Variants in GNAQ observed in about 807,000 individuals in gnomAD.
The protein encoded by GNAQ is guanine nucleotide-binding protein G(q) subunit alpha.
A neutral mutation model predicts 43.9 loss-of-function variants in GNAQ; 8 were observed. The ratio of observed to expected loss-of-function variants is 0.18; its 90% CI spans 0.11 to 0.33. GNAQ has a LOEUF of 0.33. GNAQ is among the 10% of genes least tolerant of loss of function. The probability of loss-of-function intolerance (pLI) is 1.00; values close to 1 mark genes in which losing one functional copy is unlikely to be tolerated. For missense variants in GNAQ, 158 were observed against 450.8 expected (o/e 0.35, Z 5.88); for synonymous variants, 155 against 170.7 (o/e 0.91, Z 0.71).
intron 1 of GNAQ, among the ~76,000 whole-genome samples, chr9:77,999,331 G>T (rs1359305507): frequency 6.6e-6 from 1 of 152,138 alleles, no homozygotes; most frequent in Non-Finnish European, 1.5e-5. Context: ...AGAAGAATCT[G>T]AAATAGAAAG....
chr9:78,025,091 C>A (rs1017956067), intron 1 of GNAQ, among the ~76,000 whole-genome samples: 8 of 152,066 alleles, frequency 5.3e-5, no homozygotes, highest in Non-Finnish European at 1.5e-5. Flanking sequence ...GTTTTTAAAG[C>A]CCAAATTCAT....
intron 2 of GNAQ, among the ~76,000 whole-genome samples, chr9:77,831,423 C>T (rs537659587): frequency 6.6e-6 from 1 of 152,292 alleles, no homozygotes; most frequent in East Asian, 1.9e-4. Context: ...TCCACCCATG[C>T]AATTTAAAAC....
At chr9:77,902,332 T>C (rs780104603) in intron 2 of GNAQ, among the ~76,000 whole-genome samples, 11 of 152,238 alleles carry the variant, frequency 7.2e-5, no homozygotes, top group Non-Finnish European at 1.2e-4. Context: ...CTCTTACTTG[T>C]GGTATATGTC....
At chr9:77,765,518 C>T (rs945468698) in intron 5 of GNAQ, among the ~76,000 whole-genome samples, 7 of 152,142 alleles carry the variant, frequency 4.6e-5, no homozygotes, top group Admixed American at 6.6e-5. Context: ...CATGAAAAGC[C>T]GTTCGACAAA....
chr9:77,753,102 A>G (rs1379228880), intron 5 of GNAQ, among the ~76,000 whole-genome samples: 10 of 151,422 alleles, frequency 6.6e-5, no homozygotes, highest in East Asian at 1.9e-4. Flanking sequence ...AAAAAAAAAA[A>G]AAAAGAAAAA....
At chr9:77,743,270 AAAACAAAC>A (rs375247687) in intron 5 of GNAQ, among the ~76,000 whole-genome samples, 4 of 151,594 alleles carry the variant, frequency 2.6e-5, no homozygotes, top group East Asian at 1.9e-4. Flanking sequence ...CAAAAAACAA[AAAACAAAC>A]AAACAAACAA....
At chr9:78,024,810 A>C (rs1412879377) in intron 1 of GNAQ, among the ~76,000 whole-genome samples, 1 of 152,202 alleles carries the variant, frequency 6.6e-6, no homozygotes, top group Non-Finnish European at 1.5e-5. Flanking sequence ...ATTCTGCATG[A>C]AACTGTTCCT....
At chr9:77,852,244 G>T (rs554854626) in intron 2 of GNAQ, among the ~76,000 whole-genome samples, 2 of 152,138 alleles carry the variant, frequency 1.3e-5, no homozygotes, top group Non-Finnish European at 2.9e-5. Flanking sequence ...CAAATACAGA[G>T]AATAAAACTC....
intron 2 of GNAQ, among the ~76,000 whole-genome samples, chr9:77,888,075 C>T (rs1225188697): frequency 6.6e-6 from 1 of 152,214 alleles, no homozygotes; most frequent in Non-Finnish European, 1.5e-5. Flanking sequence ...TCTCTCATGA[C>T]TGCACAATGC....
At chr9:77,837,329 A>G (rs1381275645) in intron 2 of GNAQ, among the ~76,000 whole-genome samples, 1 of 152,118 alleles carries the variant, frequency 6.6e-6, no homozygotes, top group Non-Finnish European at 1.5e-5. Flanking sequence ...AGGCAGGCGG[A>G]TCGCCTGAGG....
At chr9:77,753,281 G>A (rs1453343329) in intron 5 of GNAQ, among the ~76,000 whole-genome samples, 2 of 152,076 alleles carry the variant, frequency 1.3e-5, no homozygotes, top group South Asian at 2.1e-4. Flanking sequence ...ACATGCGCGT[G>A]CGCACGCGCA....
intron 1 of GNAQ, among the ~76,000 whole-genome samples, chr9:77,924,769 GA>G (rs1466515628): frequency 6.6e-6 from 1 of 151,990 alleles, no homozygotes; most frequent in Non-Finnish European, 1.5e-5. Context: ...AAATTAAGAG[GA>G]AAGAAAAAAC....
chr9:77,770,694 G>T (rs1214516695), intron 5 of GNAQ, among the ~76,000 whole-genome samples: 1 of 152,152 alleles, frequency 6.6e-6, no homozygotes, highest in African/African-American at 2.4e-5. Flanking sequence ...CCCAGAGCAA[G>T]AACTCGGGCA....
At chr9:77,908,317 C>G (rs1320405441) in intron 2 of GNAQ, among the ~76,000 whole-genome samples, 1 of 152,144 alleles carries the variant, frequency 6.6e-6, no homozygotes, top group Non-Finnish European at 1.5e-5. Context: ...ATTCTGATGC[C>G]TTAAATCCTA....
Position 77,729,661 on chromosome 9 carries a change from A to G in GNAQ, c.736-994T>C, listed in dbSNP as rs74678921. 5.1e-3 allele frequency among the ~76,000 whole-genome samples: 781 copies of G among 152,284 alleles called. 8 individuals carry two copies. Among genetic ancestry groups the G allele is most frequent in the African/African-American group, 0.018 (746 of 41,564 alleles). ...TGGGAATTCTCCTTCCCATGAGGAG[A>G]TAAAAGCCAGGATGTATGGGCATGC... is the stretch of plus-strand genomic sequence containing the variant. On this transcript the variant is annotated intron_variant, in intron 5 of 6. Coordinates refer to ENST00000286548, the MANE Select transcript of GNAQ (RefSeq NM_002072.5).
At chr9:77,834,055 G>T (rs1286353789) in intron 2 of GNAQ, among the ~76,000 whole-genome samples, 1 of 152,076 alleles carries the variant, frequency 6.6e-6, no homozygotes, top group Non-Finnish European at 1.5e-5. Flanking sequence ...TAAATAGTAT[G>T]AGTTTTAGAA....
At chr9:77,893,897 G>A (rs1828445102) in intron 2 of GNAQ, among the ~76,000 whole-genome samples, 1 of 152,062 alleles carries the variant, frequency 6.6e-6, no homozygotes, top group Non-Finnish European at 1.5e-5. Flanking sequence ...CCCTGCAGGG[G>A]CCCCAGTCTT....
intron 1 of GNAQ, among the ~76,000 whole-genome samples, chr9:77,976,720 T>A (rs536038716): frequency 2.0e-5 from 3 of 151,328 alleles, no homozygotes; most frequent in African/African-American, 7.2e-5. Context: ...AGACAATAGT[T>A]TTAAGCTTTT....
chr9:78,025,255 C>T (rs988053575), intron 1 of GNAQ, among the ~76,000 whole-genome samples: 2 of 151,946 alleles, frequency 1.3e-5, no homozygotes, highest in South Asian at 2.1e-4. Flanking sequence ...TTTTACATAT[C>T]GGTAATGTAA....
Sources: gnomAD v4.1 joint callset for allele counts (sites outside exome capture counted in the v4.1 genomes callset) on GRCh38, gnomAD v4.1.1 for gene constraint, MANE v1.5 for transcripts, NCBI Gene and HGNC (gene_info 2026-07-23, HGNC 2026-07-21) for gene names.